The following S100Z variants were observed in gnomAD, a reference collection of about 807,000 sequenced individuals.
S100Z encodes protein S100-Z.
Under a neutral mutation model 8.5 loss-of-function variants are expected in S100Z, and 11 were observed. That is an observed-to-expected ratio of 1.30 (90% CI 0.82 to 2.15). S100Z has a LOEUF of 2.15. Among genes scored for constraint, S100Z ranks in the 30% most tolerant of loss-of-function variants. The pLI is 0.00. For synonymous variants in S100Z, 34 were observed against 43.8 expected (o/e 0.78, Z 0.89); for missense variants, 126 against 117.9 (o/e 1.07, Z -0.32).
At chr5:76,873,417 C>T (rs1580007608) in intron 2 of S100Z, among the ~76,000 whole-genome samples, 1 of 151,546 alleles carries the variant, frequency 6.6e-6, no homozygotes, top group African/African-American at 2.4e-5. Context: ...AAGCAATTCT[C>T]CTGCCTCAGC....
At chr5:76,897,534 T>C (rs1360488286) in intron 4 of S100Z, among the ~76,000 whole-genome samples, 1 of 152,036 alleles carries the variant, frequency 6.6e-6, no homozygotes, top group African/African-American at 2.4e-5. Flanking sequence ...CATTGTTATC[T>C]TGATAAGGAT....
chr5:76,855,208 G>A (rs1044638391), intron 1 of S100Z, among the ~76,000 whole-genome samples: 5 of 152,190 alleles, frequency 3.3e-5, no homozygotes, highest in Admixed American at 2.0e-4. Flanking sequence ...TGGGGTTGTA[G>A]CCCCCACACA....
the S100Z span, among the ~76,000 whole-genome samples, chr5:76,949,579 G>A: frequency 6.6e-6 from 1 of 151,908 alleles, no homozygotes; most frequent in African/African-American, 2.4e-5. Flanking sequence ...GTTGACGAAT[G>A]AATAAAGAAA....
Position 76,879,993 on chromosome 5 carries a change from G to A in S100Z, c.*2+2159G>A, listed in dbSNP as rs113830144. Reference sequence around the variant, plus strand: ...ACCTGGGTGCAGGTGGGCTGAGTCCGAAAAGAGAGTCAGCAAAGGGTGGCG... The same window carrying A: ...ACCTGGGTGCAGGTGGGCTGAGTCCAAAAAGAGAGTCAGCAAAGGGTGGCG... On this transcript the variant is annotated intron_variant, in intron 4 of 4. Coordinates refer to ENST00000317593, the MANE Select transcript of S100Z (RefSeq NM_130772.4). 6.1e-3 allele frequency among the ~76,000 whole-genome samples: 925 copies of A among 152,292 alleles called. 6 individuals carry two copies. The highest frequency in any genetic ancestry group is 8.0e-3 in the African/African-American group (332 of 41,554).
intron 1 of S100Z, among the ~76,000 whole-genome samples, chr5:76,851,472 CAG>C (rs1261027187): frequency 6.6e-6 from 1 of 151,930 alleles, no homozygotes; most frequent in Non-Finnish European, 1.5e-5. Flanking sequence ...GAGGAAGGAA[CAG>C]AGAGTGAGGA....
chr5:76,858,535 AGGG>A, intron 1 of S100Z, among the ~76,000 whole-genome samples: 1 of 151,158 alleles, frequency 6.6e-6, no homozygotes, highest in South Asian at 2.1e-4. Flanking sequence ...AAAAAAAAAA[AGGG>A]GGTGATGGGA....
At chr5:76,864,880 T>C (rs1751210700) in intron 1 of S100Z, among the ~76,000 whole-genome samples, 1 of 151,962 alleles carries the variant, frequency 6.6e-6, no homozygotes, top group Non-Finnish European at 1.5e-5. Flanking sequence ...GGCTAATTGT[T>C]GTATTTTTAG....
At chr5:76,893,655 C>G (rs1026589962) in intron 4 of S100Z, among the ~76,000 whole-genome samples, 1 of 152,160 alleles carries the variant, frequency 6.6e-6, no homozygotes, top group Non-Finnish European at 1.5e-5. Context: ...GGGAATTGCT[C>G]TTGAAGTAAA....
the S100Z span, among the ~76,000 whole-genome samples, chr5:76,929,376 A>G: frequency 3.9e-5 from 6 of 152,286 alleles, no homozygotes; most frequent in South Asian, 2.1e-4. Flanking sequence ...TGCTGGACCA[A>G]TTGAACAATT....
intron 1 of S100Z, among the ~76,000 whole-genome samples, chr5:76,861,393 G>A (rs1267222176): frequency 6.6e-6 from 1 of 151,720 alleles, no homozygotes; most frequent in Non-Finnish European, 1.5e-5. Context: ...AGGCTGGAGT[G>A]AGGTGGCGTG....
At chr5:76,861,157 C>T (rs781648227) in intron 1 of S100Z, among the ~76,000 whole-genome samples, 1 of 152,118 alleles carries the variant, frequency 6.6e-6, no homozygotes, top group Non-Finnish European at 1.5e-5. Context: ...AAGGCTTGAC[C>T]CTGGCTGAGG....
In S100Z at chr5:76,877,813, TGAA is replaced by T; in HGVS notation, c.288_290del (p.Lys97del). On this transcript the variant is annotated inframe_deletion, in exon 4 of 5. Coordinates refer to ENST00000317593, the MANE Select transcript of S100Z (RefSeq NM_130772.4). ...TGTAATGATTACTTTGTAGAACAAT[TGAA>T]GAAGAAAGGAAAATAAAGGTAAGTA... 3.1e-6 allele frequency: 5 copies of T among 1,612,870 alleles called. No homozygotes were observed. Among genetic ancestry groups the T allele is most frequent in the South Asian group, 1.1e-5 (1 of 91,016 alleles).
the S100Z span, among the ~76,000 whole-genome samples, chr5:76,943,559 T>C: frequency 3.9e-5 from 6 of 152,170 alleles, no homozygotes; most frequent in Admixed American, 1.3e-4. Flanking sequence ...GTCTGTGCCC[T>C]CCTACCCATT....
At chr5:76,883,638 C>T (rs1012068639) in intron 4 of S100Z, among the ~76,000 whole-genome samples, 15 of 152,160 alleles carry the variant, frequency 9.9e-5, no homozygotes, top group African/African-American at 2.2e-4. Context: ...GATCAGGCAG[C>T]GTCAGTCTTT....
chr5:76,867,758 T>A (rs917162513), intron 1 of S100Z, among the ~76,000 whole-genome samples: 4 of 151,946 alleles, frequency 2.6e-5, no homozygotes, highest in Non-Finnish European at 5.9e-5. Context: ...ATTTTTGTAT[T>A]TTTAGTAGAG....
At position 76,904,988 on chromosome 5, in the gene S100Z, A is replaced by G. The variant is rs551358391; in HGVS notation, c.*3-15729A>G. On this transcript the variant is annotated intron_variant, in intron 4 of 4. Transcript: ENST00000317593. ...GCCTAATCCAGTGGTTTTCAAACGAAGGGCAACTCTCATTCCCCAGAACAT... is the reference window on the plus strand; with the variant it reads ...GCCTAATCCAGTGGTTTTCAAACGAGGGGCAACTCTCATTCCCCAGAACAT... Among the ~76,000 whole-genome samples, 9 of 152,340 alleles carry G rather than the reference A, an allele frequency of 5.9e-5. No individual in the cohort carries two copies. In the South Asian group the frequency reaches 1.9e-3, roughly 32 times the overall value.
the S100Z span, among the ~76,000 whole-genome samples, chr5:76,930,209 A>T: frequency 6.6e-6 from 1 of 152,230 alleles, no homozygotes; most frequent in Non-Finnish European, 1.5e-5. Flanking sequence ...TGTGCTACAG[A>T]ATTATCTGTG....
At chr5:76,856,225 T>G (rs769534960) in intron 1 of S100Z, among the ~76,000 whole-genome samples, 38 of 152,192 alleles carry the variant, frequency 2.5e-4, no homozygotes, top group Non-Finnish European at 5.0e-4. Context: ...GGAGTCTTGC[T>G]CTTTCACCCA....
Position 76,857,184 on chromosome 5 carries a change from C to T in S100Z, c.-176+7029C>T, listed in dbSNP as rs538290583. Among the ~76,000 whole-genome samples the T allele has an allele frequency of 3.3e-4, 50 of 151,992 alleles. 1 individual carries two copies. The highest frequency in any genetic ancestry group is 3.1e-3 in the Admixed American group (47 of 15,262). ...GCAGGTGCCTGTAATCCCAGCTAGT[C>T]GGGAGGCTGAGGCAGGAGAATCGCT... On this transcript the variant is annotated intron_variant, in intron 1 of 4. Coordinates refer to ENST00000317593, the MANE Select transcript of S100Z (RefSeq NM_130772.4).
Sources: allele counts gnomAD v4.1 joint callset (sites outside exome capture counted in the v4.1 genomes callset), GRCh38; gene constraint gnomAD v4.1.1; transcripts MANE v1.5; gene names NCBI Gene and HGNC (gene_info 2026-07-23, HGNC 2026-07-21).